The following GALNT13 variants were observed in gnomAD, a reference collection of about 807,000 sequenced individuals.
GALNT13 encodes the protein UDP-GalNAc:polypeptide N-acetylgalactosaminyltransferase 13.
GALNT13 carries 28 observed loss-of-function variants against 64.2 expected under a neutral mutation model. The ratio of observed to expected loss-of-function variants is 0.44; its 90% CI spans 0.32 to 0.60. GALNT13 has a LOEUF of 0.60. Ranked by LOEUF, GALNT13 falls within the 20% of genes least tolerant of loss-of-function variation. The pLI is 0.05. For synonymous variants in GALNT13, 214 were observed against 224.6 expected (o/e 0.95, Z 0.42); for missense variants, 577 against 669.8 (o/e 0.86, Z 1.53).
chr2:153,801,731 G>C, the GALNT13 span, among the ~76,000 whole-genome samples: 4 of 152,074 alleles, frequency 2.6e-5, no homozygotes, highest in Admixed American at 2.6e-4. Flanking sequence ...TGGAAAATTG[G>C]TGCCAATAGG....
chr2:153,904,944 A>G (rs901693806), intron 2 of GALNT13, among the ~76,000 whole-genome samples: 8 of 151,924 alleles, frequency 5.3e-5, no homozygotes, highest in Non-Finnish European at 7.4e-5. Flanking sequence ...CATATTTACT[A>G]TAAATTAAAT....
chr2:153,876,378 T>A (rs1182427012), intron 1 of GALNT13, among the ~76,000 whole-genome samples: 1 of 152,206 alleles, frequency 6.6e-6, no homozygotes, highest in Non-Finnish European at 1.5e-5. Context: ...GTTGAAGGAC[T>A]TCTGCCATTC....
the GALNT13 span, among the ~76,000 whole-genome samples, chr2:153,786,087 G>A: frequency 1.3e-5 from 2 of 151,896 alleles, no homozygotes; most frequent in African/African-American, 2.4e-5. Context: ...GCCCCCAGGG[G>A]CAATTCCTCA....
the GALNT13 span, among the ~76,000 whole-genome samples, chr2:153,145,480 A>T: frequency 0.036 from 5,513 of 152,058 alleles, 133 homozygotes; most frequent in African/African-American, 0.069. Flanking sequence ...ATTATATAAT[A>T]ATAATCCTGA....
the GALNT13 span, among the ~76,000 whole-genome samples, chr2:153,618,675 T>G: frequency 3.9e-5 from 6 of 151,958 alleles, no homozygotes; most frequent in Middle Eastern, 3.2e-3. Flanking sequence ...TCTAATGATA[T>G]GTCCTTTATA....
rs149771976 is a variant in GALNT13 at position 154,419,211 on chromosome 2, T to C, written c.1395+10129T>C. On this transcript the variant is annotated intron_variant, in intron 11 of 12. Transcript: ENST00000392825. ...ATATCAGAGGAACATCTATGAAAACTTGGAGTTGATAAAAACTTGTAGGAA... is the reference window on the plus strand; with the variant it reads ...ATATCAGAGGAACATCTATGAAAACCTGGAGTTGATAAAAACTTGTAGGAA... 4.6e-5 allele frequency among the ~76,000 whole-genome samples: 7 copies of C among 152,194 alleles called. No homozygotes were observed. In the East Asian group the frequency reaches 9.7e-4, roughly 21 times the overall value.
intron 3 of GALNT13, among the ~76,000 whole-genome samples, chr2:154,039,197 T>C (rs1218938106): frequency 6.6e-6 from 1 of 152,092 alleles, no homozygotes; most frequent in Admixed American, 6.6e-5. Context: ...GAAAACAGTA[T>C]GGAAGTTCCT....
chr2:153,297,826 A>G, the GALNT13 span, among the ~76,000 whole-genome samples: 1 of 152,220 alleles, frequency 6.6e-6, no homozygotes, highest in Admixed American at 6.5e-5. Flanking sequence ...AGATAGCAAG[A>G]GCAGGTCTCT....
chr2:153,170,317 T>G, the GALNT13 span, among the ~76,000 whole-genome samples: 7 of 152,314 alleles, frequency 4.6e-5, no homozygotes, highest in African/African-American at 1.7e-4. Context: ...ATTGTTTTTT[T>G]TAATAACAAA....
At chr2:153,778,126 A>G in the GALNT13 span, among the ~76,000 whole-genome samples, 3 of 151,964 alleles carry the variant, frequency 2.0e-5, no homozygotes, top group African/African-American at 7.3e-5. Flanking sequence ...GTGTGCTCCT[A>G]TGCCGGTGTG....
chr2:154,339,657 C>T lies in GALNT13; in HGVS notation c.1156+38068C>T, dbSNP rs561990704. Among the ~76,000 whole-genome samples the T allele has an allele frequency of 1.4e-3, 217 of 152,126 alleles. 1 individual carries two copies. Among genetic ancestry groups the T allele is most frequent in the South Asian group, 2.3e-3 (11 of 4,812 alleles). On this transcript the variant is annotated intron_variant, in intron 9 of 12. Coordinates refer to ENST00000392825, the MANE Select transcript of GALNT13 (RefSeq NM_052917.4). Reference sequence around the variant, plus strand: ...TATTGAATTGTGCTCAGTTCACACACGGAAATGGGTGTCTACTTTAGTGAC... The same window carrying T: ...TATTGAATTGTGCTCAGTTCACACATGGAAATGGGTGTCTACTTTAGTGAC...
chr2:153,772,373 G>T, the GALNT13 span, among the ~76,000 whole-genome samples: 1 of 152,166 alleles, frequency 6.6e-6, no homozygotes, highest in East Asian at 1.9e-4. Context: ...GGAACTAGGT[G>T]CTCTCTCTTG....
chr2:153,732,316 A>G, the GALNT13 span, among the ~76,000 whole-genome samples: 2 of 151,944 alleles, frequency 1.3e-5, no homozygotes, highest in South Asian at 4.1e-4. Flanking sequence ...CATTTGCCTA[A>G]CTGATGTGAT....
chr2:153,757,230 G>T, the GALNT13 span, among the ~76,000 whole-genome samples: 1 of 151,936 alleles, frequency 6.6e-6, no homozygotes, highest in Non-Finnish European at 1.5e-5. Flanking sequence ...GCTTTCTTCC[G>T]TGTTAGCTTC....
chr2:154,306,621 G>GGT (rs1553512834), intron 9 of GALNT13, among the ~76,000 whole-genome samples: 1 of 150,136 alleles, frequency 6.7e-6, no homozygotes, highest in Non-Finnish European at 1.5e-5. Context: ...AATTTGGTGG[G>GGT]GGGGGGGTCA....
chr2:153,679,981 AG>A, the GALNT13 span, among the ~76,000 whole-genome samples: 1 of 151,842 alleles, frequency 6.6e-6, no homozygotes, highest in African/African-American at 2.4e-5. Context: ...TCCATAACAT[AG>A]TTTTATCTTC....
At position 154,217,381 on chromosome 2, in the gene GALNT13, T is replaced by C. The variant is rs571840620; in HGVS notation, c.312-24649T>C. On this transcript the variant is annotated intron_variant, in intron 4 of 12. Transcript: ENST00000392825. Reference sequence around the variant, plus strand: ...CTGGCCATTCATTTAGAAACCTGCCTAATGTGTTTGAAGGGAAAATAAAAT... The same window carrying C: ...CTGGCCATTCATTTAGAAACCTGCCCAATGTGTTTGAAGGGAAAATAAAAT... Among the ~76,000 whole-genome samples, 11 of 152,238 alleles carry C rather than the reference T, an allele frequency of 7.2e-5. No homozygotes were observed. The South Asian group carries it at 1.4e-3, about 20-fold the overall frequency.
the GALNT13 span, among the ~76,000 whole-genome samples, chr2:153,707,818 C>T: frequency 2.6e-5 from 4 of 151,988 alleles, no homozygotes; most frequent in Non-Finnish European, 5.9e-5. Flanking sequence ...GGGTGTTAGA[C>T]CAGGGAGGAA....
chr2:154,190,690 A>G (rs151156064), intron 4 of GALNT13, among the ~76,000 whole-genome samples: 172 of 152,302 alleles, frequency 1.1e-3, no homozygotes, highest in Middle Eastern at 6.8e-3. Flanking sequence ...TAGCATTGCA[A>G]CCTCTGAAGT....
Sources: allele counts gnomAD v4.1 joint callset (sites outside exome capture counted in the v4.1 genomes callset), GRCh38; gene constraint gnomAD v4.1.1; transcripts MANE v1.5; gene names NCBI Gene and HGNC (gene_info 2026-07-23, HGNC 2026-07-21).